Variants in ARHGAP24 observed in about 807,000 individuals in gnomAD.
ARHGAP24 encodes Rho GTPase activating protein 24.
Under a neutral mutation model 76.4 loss-of-function variants are expected in ARHGAP24, and 50 were observed. That is an observed-to-expected ratio of 0.65 (90% CI 0.52 to 0.83). The LOEUF is 0.83. Among genes scored for constraint, ARHGAP24 ranks in the 40% least tolerant of loss-of-function variants. The pLI is 0.00. For synonymous variants in ARHGAP24, 345 were observed against 323.3 expected (o/e 1.07, Z -0.72); for missense variants, 930 against 914.2 (o/e 1.02, Z -0.22).
intron 3 of ARHGAP24, among the ~76,000 whole-genome samples, chr4:85,844,001 A>G (rs548896943): frequency 1.3e-5 from 2 of 152,328 alleles, no homozygotes; most frequent in East Asian, 3.9e-4. Flanking sequence ...AATTGATAAC[A>G]TATTTTTAAA....
intron 3 of ARHGAP24, among the ~76,000 whole-genome samples, chr4:85,744,860 T>C (rs1220129380): frequency 6.6e-6 from 1 of 152,334 alleles, no homozygotes; most frequent in East Asian, 1.9e-4. Context: ...TAAGTCCTTA[T>C]TTCAGAGAAT....
intron 6 of ARHGAP24, among the ~76,000 whole-genome samples, chr4:85,973,034 A>AT (rs1387877244): frequency 2.6e-5 from 4 of 152,110 alleles, no homozygotes; most frequent in African/African-American, 9.7e-5. Context: ...CCACGTACAA[A>AT]GTTTTGCATG....
chr4:85,555,022 T>C (rs913894452), intron 1 of ARHGAP24, among the ~76,000 whole-genome samples: 4 of 152,158 alleles, frequency 2.6e-5, no homozygotes, highest in African/African-American at 9.7e-5. Flanking sequence ...TGCTCCTGTA[T>C]CATATTTTAT....
At chr4:85,683,494 G>C (rs1723308455) in intron 2 of ARHGAP24, among the ~76,000 whole-genome samples, 1 of 152,128 alleles carries the variant, frequency 6.6e-6, no homozygotes, top group South Asian at 2.1e-4. Context: ...AAAAGTATTT[G>C]AACTAATTTA....
chr4:85,721,406 C>CA (rs11409263), intron 2 of ARHGAP24, among the ~76,000 whole-genome samples: 31,279 of 107,108 alleles, frequency 0.29, 3,482 homozygotes, highest in East Asian at 0.41. Flanking sequence ...AAAAAACAAA[C>CA]AAAAAAAAAA....
At chr4:85,536,539 A>G (rs1725478118) in intron 1 of ARHGAP24, among the ~76,000 whole-genome samples, 2 of 152,284 alleles carry the variant, frequency 1.3e-5, no homozygotes, top group Non-Finnish European at 1.5e-5. Context: ...AACTCTAATT[A>G]ATACATCTAC....
chr4:85,486,582 C>G (rs1287191179), intron 1 of ARHGAP24, among the ~76,000 whole-genome samples: 5 of 152,160 alleles, frequency 3.3e-5, no homozygotes, highest in Non-Finnish European at 5.9e-5. Context: ...TGAGAGAGAA[C>G]AGCCTCCAGC....
chr4:85,586,717 G>T (rs28542843), intron 2 of ARHGAP24, among the ~76,000 whole-genome samples: 2,053 of 152,060 alleles, frequency 0.014, 52 homozygotes, highest in African/African-American at 0.047. Context: ...GGCCAATATG[G>T]TGAAACCCCA....
At chr4:85,498,971 A>G (rs1723688905) in intron 1 of ARHGAP24, among the ~76,000 whole-genome samples, 1 of 152,222 alleles carries the variant, frequency 6.6e-6, no homozygotes, top group Non-Finnish European at 1.5e-5. Flanking sequence ...ATTTCACTGT[A>G]TAAACTAGTG....
At chr4:85,679,159 T>C (rs1365521840) in intron 2 of ARHGAP24, among the ~76,000 whole-genome samples, 1 of 152,114 alleles carries the variant, frequency 6.6e-6, no homozygotes, top group Non-Finnish European at 1.5e-5. Flanking sequence ...CTAGCAAAGG[T>C]GGTCTTGTGG....
intron 1 of ARHGAP24, among the ~76,000 whole-genome samples, chr4:85,547,634 T>C (rs977532745): frequency 3.9e-5 from 6 of 152,080 alleles, no homozygotes; most frequent in Non-Finnish European, 7.4e-5. Flanking sequence ...GGGTTTTCAT[T>C]ATGTTGCCCC....
chr4:85,777,233 A>G (rs1330955548), intron 3 of ARHGAP24, among the ~76,000 whole-genome samples: 1 of 152,214 alleles, frequency 6.6e-6, no homozygotes, highest in East Asian at 1.9e-4. Context: ...TATTAATTAC[A>G]TTTTATAATT....
chr4:85,480,414 A>G (rs988688270), intron 1 of ARHGAP24, among the ~76,000 whole-genome samples: 12 of 152,198 alleles, frequency 7.9e-5, no homozygotes, highest in African/African-American at 2.9e-4. Context: ...TTTGATGCTC[A>G]ATTGTACGCC....
At chr4:85,621,821 A>G (rs1338601657) in intron 2 of ARHGAP24, among the ~76,000 whole-genome samples, 3 of 152,112 alleles carry the variant, frequency 2.0e-5, no homozygotes, top group African/African-American at 7.2e-5. Context: ...TTCAGGACTT[A>G]GTCATAAATT....
intron 5 of ARHGAP24, among the ~76,000 whole-genome samples, chr4:85,961,306 A>AGAG (rs66804414): frequency 0.65 from 98,713 of 151,296 alleles, 33,385 homozygotes; most frequent in African/African-American, 0.82. Context: ...TGTTGAAGTA[A>AGAG]AAGGGACAAG....
intron 2 of ARHGAP24, among the ~76,000 whole-genome samples, chr4:85,666,162 G>A (rs1014177687): frequency 3.0e-4 from 46 of 152,198 alleles, no homozygotes; most frequent in African/African-American, 9.9e-4. Context: ...CCAATCAGAT[G>A]TAGATTTGGT....
intron 3 of ARHGAP24, among the ~76,000 whole-genome samples, chr4:85,784,496 A>G (rs1387319783): frequency 6.6e-6 from 1 of 152,042 alleles, no homozygotes; most frequent in African/African-American, 2.4e-5. Flanking sequence ...GCGAGTTGTA[A>G]CAAACGTCCC....
intron 1 of ARHGAP24, among the ~76,000 whole-genome samples, chr4:85,502,755 T>C (rs1723872974): frequency 6.6e-6 from 1 of 152,170 alleles, no homozygotes; most frequent in South Asian, 2.1e-4. Flanking sequence ...TCCAACACTA[T>C]GTTGAATAGG....
At chr4:85,683,117 T>TGGGGGGG (rs201448168) in intron 2 of ARHGAP24, among the ~76,000 whole-genome samples, 16 of 56,970 alleles carry the variant, frequency 2.8e-4, no homozygotes, top group Non-Finnish European at 4.6e-4. Flanking sequence ...TGTGGGGGGG[T>TGGGGGGG]GGGGGGGGGG....
Sources: allele counts gnomAD v4.1 joint callset (sites outside exome capture counted in the v4.1 genomes callset), GRCh38; gene constraint gnomAD v4.1.1; transcripts MANE v1.5; gene names NCBI Gene and HGNC (gene_info 2026-07-23, HGNC 2026-07-21).